Variants in STPG2 observed in about 807,000 individuals in gnomAD.
The protein encoded by STPG2 is sperm tail PG-rich repeat containing 2, also known as sperm-tail PG-rich repeat-containing protein 2.
STPG2 carries 56 observed loss-of-function variants against 54.2 expected under a neutral mutation model. That is an observed-to-expected ratio of 1.03 (90% CI 0.83 to 1.29). The LOEUF (loss-of-function observed/expected upper bound fraction) is 1.29, where lower values mean the gene tolerates loss of function less well. STPG2 is among the 50% of genes most tolerant of loss of function. The pLI is 0.00. For synonymous variants in STPG2, 200 were observed against 181.8 expected (o/e 1.10, Z -0.81); for missense variants, 596 against 544.9 (o/e 1.09, Z -0.93).
Position 97,506,313 on chromosome 4 carries a change from A to G in STPG2, c.462+206386T>C, listed in dbSNP as rs1730843330. 2.0e-5 allele frequency among the ~76,000 whole-genome samples: 3 copies of G among 152,136 alleles called. No homozygotes were observed. In the South Asian group the frequency reaches 6.2e-4, roughly 32 times the overall value. ...AGGCTGATCAAGAAATAGGATCAAC[A>G]GTACAAAGATGCATTAGAGACAAGG... On this transcript the variant is annotated intron_variant, in intron 4 of 4. Transcript: ENST00000522676.
rs528688470 is a variant in STPG2 at position 97,470,299 on chromosome 4, G to T, written c.462+242400C>A. ...GCTGACTGAGACTGGAGGCACATTTGCCTTTCTGGTTTGTACTACATTTTC... is the reference window on the plus strand; with the variant it reads ...GCTGACTGAGACTGGAGGCACATTTTCCTTTCTGGTTTGTACTACATTTTC... On this transcript the variant is annotated intron_variant, in intron 4 of 4. Coordinates refer to the STPG2 transcript ENST00000522676. Among the ~76,000 whole-genome samples, 10 of 152,164 alleles carry T rather than the reference G, an allele frequency of 6.6e-5. No individual in the cohort carries two copies. The East Asian group carries it at 9.7e-4, about 15-fold the overall frequency.
chr4:97,829,280 G>A (rs1728364541), intron 9 of STPG2, among the ~76,000 whole-genome samples: 1 of 152,164 alleles, frequency 6.6e-6, no homozygotes, highest in South Asian at 2.1e-4. Flanking sequence ...CTGCAGCAGA[G>A]TGGCCTGTTA....
intron 9 of STPG2, among the ~76,000 whole-genome samples, chr4:97,807,520 TA>T: frequency 6.6e-6 from 1 of 151,848 alleles, no homozygotes; most frequent in East Asian, 1.9e-4. Context: ...ATAAAATAAT[TA>T]AAATGAAAAA....
chr4:97,702,131 C>G (rs1723798316), intron 10 of STPG2, among the ~76,000 whole-genome samples: 1 of 152,202 alleles, frequency 6.6e-6, no homozygotes, highest in Non-Finnish European at 1.5e-5. Flanking sequence ...ATCCCTTCCT[C>G]TACATCAAAC....
chr4:97,928,499 T>A (rs367600579), intron 8 of STPG2, among the ~76,000 whole-genome samples: 1 of 152,144 alleles, frequency 6.6e-6, no homozygotes, highest in South Asian at 2.1e-4. Flanking sequence ...CTTCACTTCA[T>A]AAACAAAAAT....
At chr4:97,786,362 A>C (rs933649042) in intron 9 of STPG2, among the ~76,000 whole-genome samples, 12 of 151,734 alleles carry the variant, frequency 7.9e-5, no homozygotes, top group Admixed American at 7.9e-4. Flanking sequence ...TTTATTGTTC[A>C]GATTTTGTAT....
chr4:98,011,646 C>A (rs1400795746), intron 5 of STPG2, among the ~76,000 whole-genome samples: 2 of 152,102 alleles, frequency 1.3e-5, no homozygotes, highest in African/African-American at 4.8e-5. Context: ...TTTTAATAAT[C>A]ACCATTCTGA....
intron 9 of STPG2, among the ~76,000 whole-genome samples, chr4:97,745,143 C>T (rs927689912): frequency 7.3e-5 from 11 of 150,436 alleles, no homozygotes; most frequent in Non-Finnish European, 1.6e-4. Flanking sequence ...GTATAAATTA[C>T]GAACTTGTAT....
In STPG2 at chr4:97,847,669, T is replaced by C. The variant is rs530738911; in HGVS notation, c.1045-6737A>G. Among the ~76,000 whole-genome samples the C allele has an allele frequency of 1.4e-4, 21 of 152,310 alleles. No homozygotes were observed. The South Asian group carries it at 3.9e-3, about 29-fold the overall frequency. ...TCATATTTGAATCACAAAGTTTCAATTGTGTTCTGGACATTTGCACATCAT... is the reference window on the plus strand; with the variant it reads ...TCATATTTGAATCACAAAGTTTCAACTGTGTTCTGGACATTTGCACATCAT... On this transcript the variant is annotated intron_variant, in intron 8 of 10. Transcript: ENST00000295268.
At chr4:97,945,113 G>GTA (rs1733153768) in intron 7 of STPG2, among the ~76,000 whole-genome samples, 1 of 152,056 alleles carries the variant, frequency 6.6e-6, no homozygotes, top group Admixed American at 6.6e-5. Flanking sequence ...TTACATGGAT[G>GTA]TATAGTACAG....
At chr4:97,761,043 C>T (rs531045772) in intron 9 of STPG2, among the ~76,000 whole-genome samples, 1 of 152,238 alleles carries the variant, frequency 6.6e-6, no homozygotes, top group South Asian at 2.1e-4. Context: ...TTATAAAAAC[C>T]TATGAGACTA....
intron 5 of STPG2, among the ~76,000 whole-genome samples, chr4:98,045,203 T>C (rs981907665): frequency 2.2e-5 from 3 of 134,816 alleles, no homozygotes; most frequent in African/African-American, 7.4e-5. Flanking sequence ...ACTGCCTCCT[T>C]TTCCCTGTCA....
At chr4:97,889,056 GC>G (rs144348097) in intron 8 of STPG2, among the ~76,000 whole-genome samples, 1,882 of 152,238 alleles carry the variant, frequency 0.012, 35 homozygotes, top group African/African-American at 0.043. Context: ...TGTACAGCCT[GC>G]AGAACTGTGA....
intron 4 of STPG2, among the ~76,000 whole-genome samples, chr4:97,550,375 G>A (rs552695837): frequency 8.2e-4 from 124 of 151,806 alleles, no homozygotes; most frequent in African/African-American, 2.9e-3. Flanking sequence ...AAAGAATCAA[G>A]AAACACAAAA....
chr4:97,898,971 A>C (rs920108053), intron 8 of STPG2, among the ~76,000 whole-genome samples: 2 of 151,720 alleles, frequency 1.3e-5, no homozygotes, highest in Non-Finnish European at 3.0e-5. Context: ...TCCTAGTCAG[A>C]GCAATCAGGC....
intron 5 of STPG2, among the ~76,000 whole-genome samples, chr4:98,066,604 T>TA (rs1000608922): frequency 4.6e-5 from 7 of 151,384 alleles, no homozygotes; most frequent in African/African-American, 1.7e-4. Context: ...AAAAATAAAA[T>TA]AAAAAAAGAG....
intron 10 of STPG2, among the ~76,000 whole-genome samples, chr4:97,618,155 G>A (rs1007828793): frequency 2.6e-5 from 4 of 152,082 alleles, no homozygotes; most frequent in African/African-American, 9.7e-5. Flanking sequence ...ATAGAATGTT[G>A]CAGACAAGAT....
chr4:97,954,103 C>G (rs1578727636), intron 7 of STPG2, among the ~76,000 whole-genome samples: 1 of 152,044 alleles, frequency 6.6e-6, no homozygotes, highest in South Asian at 2.1e-4. Context: ...ATGAAATTAC[C>G]AAGAAATTAA....
intron 5 of STPG2, among the ~76,000 whole-genome samples, chr4:98,033,239 C>T (rs1027765487): frequency 1.2e-4 from 18 of 151,688 alleles, no homozygotes; most frequent in African/African-American, 4.4e-4. Context: ...AGAGAAGAAT[C>T]AAATAGATGC....
Sources: gnomAD v4.1 joint callset for allele counts (sites outside exome capture counted in the v4.1 genomes callset) on GRCh38, gnomAD v4.1.1 for gene constraint, MANE v1.5 for transcripts, NCBI Gene and HGNC (gene_info 2026-07-23, HGNC 2026-07-21) for gene names.